Variants in SOX6 observed in about 807,000 individuals in gnomAD.
SOX6 encodes transcription factor SOX-6.
SOX6 carries 11 observed loss-of-function variants against 97.8 expected under a neutral mutation model. The ratio of observed to expected loss-of-function variants is 0.11; its 90% CI spans 0.07 to 0.19. SOX6 has a LOEUF of 0.19. Ranked by LOEUF, SOX6 falls within the 10% of genes least tolerant of loss-of-function variation. SOX6 has a pLI of 1.00. For missense variants in SOX6, 810 were observed against 1,039.5 expected (o/e 0.78, Z 3.04); for synonymous variants, 360 against 371.4 (o/e 0.97, Z 0.35).
intron 1 of SOX6, among the ~76,000 whole-genome samples, chr11:16,393,701 T>C (rs1291519154): frequency 6.6e-6 from 1 of 152,090 alleles, no homozygotes; most frequent in African/African-American, 2.4e-5. Flanking sequence ...CTTCATCCAA[T>C]AAACCTTAAC....
At chr11:16,474,493 T>C (rs1860199988) in intron 1 of SOX6, among the ~76,000 whole-genome samples, 1 of 152,230 alleles carries the variant, frequency 6.6e-6, no homozygotes, top group Admixed American at 6.5e-5. Flanking sequence ...TTAGCAAGCA[T>C]GAAGACAACA....
At chr11:16,580,960 G>A (rs1393968805) in intron 4 of SOX6, among the ~76,000 whole-genome samples, 1 of 152,064 alleles carries the variant, frequency 6.6e-6, no homozygotes. Flanking sequence ...ATGCTGGCAA[G>A]GCTGTGGGGA....
At chr11:16,395,164 C>T (rs922796441) in intron 1 of SOX6, among the ~76,000 whole-genome samples, 1 of 151,714 alleles carries the variant, frequency 6.6e-6, no homozygotes, top group African/African-American at 2.4e-5. Flanking sequence ...TTACTGAATG[C>T]TTATAATGTG....
rs1418400484 is a variant in SOX6, at chr11:15,972,366, G to A, written c.*443C>T. 5.9e-6 allele frequency: 1 copy of A among 170,690 alleles called. No individual in the cohort carries two copies. Among genetic ancestry groups the A allele is most frequent in the Non-Finnish European group, 1.3e-5 (1 of 78,646 alleles). 10.6% of individuals were successfully genotyped at this position (170,690 alleles called of 1,614,324 possible). A position where few individuals can be genotyped will look rare whatever the true frequency, so the allele number is the denominator to read the frequency against. On this transcript the variant is annotated 3_prime_UTR_variant, in exon 16 of 16. Transcript: ENST00000683767. ...TCTGTTTCACAATATGAAATCCTCAGTTGTTTTCTAAAATAATTCAGAATA... is the reference window on the plus strand; with the variant it reads ...TCTGTTTCACAATATGAAATCCTCAATTGTTTTCTAAAATAATTCAGAATA...
chr11:16,537,681 A>G (rs1861330801), intron 4 of SOX6, among the ~76,000 whole-genome samples: 1 of 152,230 alleles, frequency 6.6e-6, no homozygotes, highest in Non-Finnish European at 1.5e-5. Context: ...TGATGGATAC[A>G]CAAGCTTCAA....
chr11:16,406,469 T>A (rs1322177128), intron 1 of SOX6, among the ~76,000 whole-genome samples: 1 of 152,136 alleles, frequency 6.6e-6, no homozygotes, highest in Non-Finnish European at 1.5e-5. Flanking sequence ...ACAACTGGTA[T>A]AATTCAACTC....
At chr11:16,681,608 T>C (rs921042255) in intron 3 of SOX6, among the ~76,000 whole-genome samples, 1 of 151,582 alleles carries the variant, frequency 6.6e-6, no homozygotes, top group Non-Finnish European at 1.5e-5. Context: ...ATAACTAAGA[T>C]CAGAGAAGAA....
intron 9 of SOX6, among the ~76,000 whole-genome samples, chr11:16,072,919 C>A (rs571479675): frequency 6.6e-6 from 1 of 152,148 alleles, no homozygotes; most frequent in Non-Finnish European, 1.5e-5. Context: ...TACCAGCAGA[C>A]CTGCCTTACA....
chr11:16,257,493 T>G (rs1322968168), intron 3 of SOX6, among the ~76,000 whole-genome samples: 1 of 151,940 alleles, frequency 6.6e-6, no homozygotes, highest in African/African-American at 2.4e-5. Context: ...CTGAAAAAAC[T>G]GGACATTTAT....
intron 1 of SOX6, among the ~76,000 whole-genome samples, chr11:16,471,240 GA>G (rs569774424): frequency 6.6e-6 from 1 of 151,394 alleles, no homozygotes; most frequent in Non-Finnish European, 1.5e-5. Flanking sequence ...TTTAGGAAAA[GA>G]AAAAAAGGAA....
intron 1 of SOX6, among the ~76,000 whole-genome samples, chr11:16,404,056 T>A (rs1320710559): frequency 2.6e-5 from 4 of 151,628 alleles, no homozygotes; most frequent in African/African-American, 9.7e-5. Flanking sequence ...TGTAAAAGTG[T>A]CTTCCATATG....
At chr11:16,648,016 A>G (rs964700342) in intron 3 of SOX6, among the ~76,000 whole-genome samples, 8 of 152,138 alleles carry the variant, frequency 5.3e-5, no homozygotes, top group Non-Finnish European at 1.0e-4. Flanking sequence ...TTTCTTGAGC[A>G]GAGTCTGAGG....
intron 1 of SOX6, among the ~76,000 whole-genome samples, chr11:16,464,314 A>G (rs947184229): frequency 5.9e-5 from 9 of 152,174 alleles, no homozygotes; most frequent in African/African-American, 9.7e-5. Flanking sequence ...CCTTTAGTTT[A>G]TATAAGAAAC....
intron 9 of SOX6, among the ~76,000 whole-genome samples, chr11:16,083,219 C>A (rs1177683309): frequency 6.6e-6 from 1 of 152,086 alleles, no homozygotes; most frequent in Non-Finnish European, 1.5e-5. Flanking sequence ...GATTGTGGGC[C>A]CTTCAGGGGC....
At chr11:16,216,934 AC>A (rs754572625) in intron 4 of SOX6, among the ~76,000 whole-genome samples, 4 of 152,200 alleles carry the variant, frequency 2.6e-5, no homozygotes, top group Admixed American at 1.3e-4. Context: ...TTCACAGTCA[AC>A]TGTGAGGGTT....
chr11:16,401,959 T>C (rs563961329), intron 1 of SOX6, among the ~76,000 whole-genome samples: 2 of 151,682 alleles, frequency 1.3e-5, no homozygotes, highest in South Asian at 4.1e-4. Context: ...CACTTGTTCC[T>C]ATATACTCTC....
At chr11:16,137,983 T>C (rs144399803) in intron 6 of SOX6, among the ~76,000 whole-genome samples, 3,635 of 152,302 alleles carry the variant, frequency 0.024, 145 homozygotes, top group African/African-American at 0.083. Flanking sequence ...TTAAAACTCT[T>C]TTCTTTATAA....
chr11:16,063,003 C>T (rs1171144141), intron 9 of SOX6, among the ~76,000 whole-genome samples: 1 of 151,644 alleles, frequency 6.6e-6, no homozygotes. Flanking sequence ...TCAACATTAC[C>T]AGAATATCTA....
rs182123601 is a variant in SOX6 at position 16,484,387 on chromosome 11, C to T, written n.610-7999G>A. On this transcript the variant is annotated intron_variant and non_coding_transcript_variant, in intron 4 of 5. Coordinates refer to the SOX6 transcript ENST00000524520. The stretch of plus-strand genomic sequence containing the variant: ...AGTCCAGCTTCATGTCACTAAGCGT[C>T]TTCTGGCAGGCTCCTTTAACCAGGC... The T allele has an allele frequency of 7.3e-5, 58 of 793,456 alleles. 1 individual carries two copies. The East Asian group carries it at 1.1e-3, about 16-fold the overall frequency. The allele number at this position is 793,456 out of a possible 1,614,324, so 49.2% of individuals were successfully genotyped here.
Sources: gnomAD v4.1 joint callset for allele counts (sites outside exome capture counted in the v4.1 genomes callset) on GRCh38, gnomAD v4.1.1 for gene constraint, MANE v1.5 for transcripts, NCBI Gene and HGNC (gene_info 2026-07-23, HGNC 2026-07-21) for gene names.